Variants in RAP1GAP2 observed in about 807,000 individuals in gnomAD.
The protein encoded by RAP1GAP2 is rap1 GTPase-activating protein 2.
RAP1GAP2 carries 27 observed loss-of-function variants against 95.0 expected under a neutral mutation model. The ratio of observed to expected loss-of-function variants is 0.28; its 90% confidence interval spans 0.21 to 0.39. RAP1GAP2 has a LOEUF of 0.39. RAP1GAP2 is among the 10% of genes least tolerant of loss of function. The pLI, the probability that RAP1GAP2 is intolerant of heterozygous loss-of-function variation, is 1.00. For synonymous variants in RAP1GAP2, 373 were observed against 380.9 expected (o/e 0.98, Z 0.24); for missense variants, 771 against 970.0 (o/e 0.79, Z 2.72).
chr17:2,940,387 A>G (rs2043449824), intron 3 of RAP1GAP2, among the ~76,000 whole-genome samples: 1 of 152,172 alleles, frequency 6.6e-6, no homozygotes, highest in Non-Finnish European at 1.5e-5. Context: ...TCCTCTGGGA[A>G]GGCTTCTCGG....
chr17:2,852,838 A>G (rs1597440932), intron 2 of RAP1GAP2, among the ~76,000 whole-genome samples: 1 of 152,234 alleles, frequency 6.6e-6, no homozygotes, highest in East Asian at 1.9e-4. Context: ...CGCCGATGGT[A>G]GGGACCAGGC....
At chr17:2,986,582 TGC>T (rs1446249178) in intron 11 of RAP1GAP2, among the ~76,000 whole-genome samples, 3 of 152,078 alleles carry the variant, frequency 2.0e-5, no homozygotes, top group African/African-American at 7.2e-5. Context: ...ATTGTTGTTT[TGC>T]AAACCTGCAG....
chr17:3,037,373 C>A lies in RAP1GAP2; in HGVS notation c.*4012C>A, dbSNP rs551589032. Reference sequence around the variant, plus strand: ...CTTGGAAGTGTGAACTACCCCCCCCCCCCCGCTTCCTGCTCCTTAGCATGC... The same window carrying A: ...CTTGGAAGTGTGAACTACCCCCCCCACCCCGCTTCCTGCTCCTTAGCATGC... On this transcript the variant is annotated 3_prime_UTR_variant, in exon 25 of 25. Transcript: ENST00000254695. The A allele has an allele frequency of 2.6e-5, 2 of 78,004 alleles. 1 individual carries two copies. Among genetic ancestry groups the A allele is most frequent in the African/African-American group, 6.3e-5 (2 of 31,716 alleles). The allele number at this position is 78,004 out of a possible 1,614,324, so 4.8% of individuals were successfully genotyped here. A position where few individuals can be genotyped will look rare whatever the true frequency, so the allele number is the denominator to read the frequency against.
At chr17:2,878,328 C>T (rs550063560) in intron 2 of RAP1GAP2, among the ~76,000 whole-genome samples, 34 of 152,182 alleles carry the variant, frequency 2.2e-4, no homozygotes, top group African/African-American at 6.5e-4. Context: ...GAGACCCCCC[C>T]GGGGATGTGG....
chr17:2,854,895 G>A (rs1265037220), intron 2 of RAP1GAP2, among the ~76,000 whole-genome samples: 3 of 152,182 alleles, frequency 2.0e-5, no homozygotes, highest in Non-Finnish European at 4.4e-5. Context: ...AGGGGAGTGC[G>A]GAAGCTGACT....
At chr17:2,833,427 G>A (rs534948983) in intron 2 of RAP1GAP2, among the ~76,000 whole-genome samples, 9 of 152,068 alleles carry the variant, frequency 5.9e-5, no homozygotes, top group South Asian at 4.2e-4. Context: ...GTGAGCCACC[G>A]CGCCTGGCCT....
chr17:2,826,478 A>G (rs1567683404), intron 2 of RAP1GAP2, among the ~76,000 whole-genome samples: 2 of 152,064 alleles, frequency 1.3e-5, no homozygotes, highest in East Asian at 3.9e-4. Flanking sequence ...GTTGCCGGCG[A>G]GATGACGGGT....
chr17:2,822,633 T>G (rs1475183936), intron 2 of RAP1GAP2, among the ~76,000 whole-genome samples: 22 of 135,106 alleles, frequency 1.6e-4, no homozygotes, highest in East Asian at 6.1e-4. Flanking sequence ...TTTTGTTTTT[T>G]TTTTTTTTTT....
chr17:2,832,668 A>G (rs769824951), intron 2 of RAP1GAP2, among the ~76,000 whole-genome samples: 1 of 151,174 alleles, frequency 6.6e-6, no homozygotes, highest in Non-Finnish European at 1.5e-5. Flanking sequence ...TTTTCTAGAT[A>G]TTTAAACAGG....
intron 20 of RAP1GAP2, 30 bp from the exon 21 acceptor site, chr17:3,026,320 C>G: frequency 3.9e-6 from 6 of 1,520,748 alleles, no homozygotes; most frequent in Non-Finnish European, 5.4e-6. Flanking sequence ...GCGTGTGACC[C>G]GGGCTGGCCT....
intron 2 of RAP1GAP2, among the ~76,000 whole-genome samples, chr17:2,810,463 A>G (rs190138696): frequency 2.0e-5 from 3 of 149,604 alleles, no homozygotes; most frequent in African/African-American, 7.4e-5. Context: ...TGCACCCATT[A>G]ACTCGTCATT....
intron 2 of RAP1GAP2, among the ~76,000 whole-genome samples, chr17:2,878,302 G>C (rs1304440056): frequency 6.6e-6 from 1 of 152,116 alleles, no homozygotes; most frequent in African/African-American, 2.4e-5. Context: ...GGACACATTG[G>C]GTTCGAGGTG....
intron 8 of RAP1GAP2, among the ~76,000 whole-genome samples, chr17:2,977,600 C>A (rs1293709287): frequency 1.3e-5 from 2 of 151,802 alleles, no homozygotes; most frequent in Admixed American, 1.3e-4. Context: ...TAAAAATTAG[C>A]TGGGCGTGGT....
chr17:2,806,965 T>A (rs1727766190), intron 2 of RAP1GAP2, among the ~76,000 whole-genome samples: 7 of 152,190 alleles, frequency 4.6e-5, no homozygotes, highest in Admixed American at 4.6e-4. Flanking sequence ...ATTACAGGCA[T>A]GAGCCACTGT....
intron 2 of RAP1GAP2, among the ~76,000 whole-genome samples, chr17:2,897,056 G>A (rs2041854636): frequency 6.6e-6 from 1 of 152,238 alleles, no homozygotes; most frequent in Admixed American, 6.5e-5. Flanking sequence ...GGGTGTCCAG[G>A]CCAGGTGCGC....
At chr17:2,820,445 A>G (rs1028980446) in intron 2 of RAP1GAP2, among the ~76,000 whole-genome samples, 1 of 152,072 alleles carries the variant, frequency 6.6e-6, no homozygotes, top group East Asian at 2.0e-4. Context: ...ACATGGCAAA[A>G]CCCCGTCTCT....
At chr17:2,981,901 A>G (rs2045374306) in intron 10 of RAP1GAP2, among the ~76,000 whole-genome samples, 1 of 152,246 alleles carries the variant, frequency 6.6e-6, no homozygotes, top group Non-Finnish European at 1.5e-5. Flanking sequence ...AATTGGCCAC[A>G]GGAAAAGACC....
intron 2 of RAP1GAP2, among the ~76,000 whole-genome samples, chr17:2,874,895 G>A (rs118091381): frequency 2.6e-5 from 4 of 152,168 alleles, no homozygotes; most frequent in South Asian, 2.1e-4. Context: ...CCTCATACTC[G>A]CTTCTCAAAA....
At chr17:2,769,232 TAAAAAAAA>T (rs58436827) in intron 1 of RAP1GAP2, among the ~76,000 whole-genome samples, 8 of 42,908 alleles carry the variant, frequency 1.9e-4, no homozygotes, top group Admixed American at 4.0e-4. Context: ...ACCATTTCTC[TAAAAAAAA>T]AAAAAAAAAA....
Sources: allele counts gnomAD v4.1 joint callset (sites outside exome capture counted in the v4.1 genomes callset), GRCh38; gene constraint gnomAD v4.1.1; transcripts MANE v1.5; gene names NCBI Gene and HGNC (gene_info 2026-07-23, HGNC 2026-07-21).